The following L3HYPDH variants were observed in gnomAD, a reference collection of about 807,000 sequenced individuals.
L3HYPDH encodes trans-L-3-hydroxyproline dehydratase, also known as trans-3-hydroxy-L-proline dehydratase.
Under a neutral mutation model 26.5 loss-of-function variants are expected in L3HYPDH, and 32 were observed. The observed-to-expected ratio is 1.21, with a 90% CI of 0.91 to 1.62. The LOEUF is 1.62. Ranked by LOEUF, L3HYPDH falls within the 40% of genes most tolerant of loss-of-function variation. The probability of loss-of-function intolerance (pLI) is 0.00; values close to 1 mark genes in which losing one functional copy is unlikely to be tolerated. For synonymous variants in L3HYPDH, 215 were observed against 196.6 expected (o/e 1.09, Z -0.78); for missense variants, 554 against 476.4 (o/e 1.16, Z -1.52).
the L3HYPDH span, among the ~76,000 whole-genome samples, chr14:59,492,735 T>A: frequency 6.6e-6 from 1 of 151,940 alleles, no homozygotes; most frequent in Non-Finnish European, 1.5e-5. Flanking sequence ...TTTTGTTAAG[T>A]CTTTGCCCAA....
At chr14:59,483,706 G>C in intron 1 of L3HYPDH, 103 bp downstream of exon 1, 1 of 1,505,508 alleles carries the variant, frequency 6.6e-7, no homozygotes, top group Non-Finnish European at 8.8e-7. Context: ...AGGTTTCGCG[G>C]AGTAGGTTAG....
At chr14:59,499,872 C>A in the L3HYPDH span, among the ~76,000 whole-genome samples, 1 of 152,168 alleles carries the variant, frequency 6.6e-6, no homozygotes, top group Non-Finnish European at 1.5e-5. Flanking sequence ...TCCTCTATTT[C>A]CCTGTTAGAT....
chr14:59,479,193 C>T lies in L3HYPDH; in HGVS notation c.667G>A (p.Val223Met), dbSNP rs1889843263. Reference sequence around the variant, plus strand: ...AGAGTATTACTGACCTGAGCTTTCACTGCCTCTGTCACTGCACTCGCTGCA... The same window carrying T: ...AGAGTATTACTGACCTGAGCTTTCATTGCCTCTGTCACTGCACTCGCTGCA... ...VDAASAVTEAVKAQFKINHPD... is the reference protein window; with the variant it reads ...VDAASAVTEAMKAQFKINHPD... The change falls in exon 2 of 5, where the codon GTG becomes ATG. Residue 223 changes from valine (V) to methionine (M), a missense_variant. By Grantham distance (21) the Val-to-Met change is conservative (BLOSUM62 1). Coordinates refer to ENST00000247194, the MANE Select transcript of L3HYPDH (RefSeq NM_144581.2). The T allele has an allele frequency of 6.2e-7, 1 of 1,604,518 alleles. No homozygotes were observed. Among genetic ancestry groups the T allele is most frequent in the African/African-American group, 1.3e-5 (1 of 74,344 alleles).
the L3HYPDH span, chr14:59,505,231 T>A: frequency 7.0e-7 from 1 of 1,433,460 alleles, no homozygotes; most frequent in Non-Finnish European, 9.4e-7. Context: ...AGCAGTTGTA[T>A]CCTTGAGTTA....
At chr14:59,496,714 C>T in the L3HYPDH span, among the ~76,000 whole-genome samples, 2 of 152,320 alleles carry the variant, frequency 1.3e-5, no homozygotes, top group East Asian at 3.9e-4. Flanking sequence ...CATCACACAG[C>T]TTCATTGATT....
At chr14:59,492,967 T>C in the L3HYPDH span, among the ~76,000 whole-genome samples, 1 of 151,176 alleles carries the variant, frequency 6.6e-6, no homozygotes, top group Non-Finnish European at 1.5e-5. Context: ...CCGGCCAATT[T>C]TTTTGTATCT....
At chr14:59,486,761 T>A (rs1468436238), upstream of L3HYPDH, 1 of 1,595,924 alleles carries the variant, frequency 6.3e-7, no homozygotes. Context: ...GGGAAGACCC[T>A]ATTATTTAAA....
At chr14:59,503,808 CT>C in the L3HYPDH span, 1 of 1,188,022 alleles carries the variant, frequency 8.4e-7, no homozygotes, top group African/African-American at 1.5e-5. Flanking sequence ...CTGACTTAGC[CT>C]GATAATCTGT....
At chr14:59,483,741 A>C in intron 1 of L3HYPDH, 68 bp downstream of exon 1, 5 of 1,546,612 alleles carry the variant, frequency 3.2e-6, no homozygotes, top group Non-Finnish European at 4.3e-6. Context: ...GCCCAGAAAA[A>C]CCGTTAATGT....
chr14:59,479,679 C>T (rs2139820559), intron 1 of L3HYPDH, among the ~76,000 whole-genome samples: 2 of 152,292 alleles, frequency 1.3e-5, no homozygotes, highest in Admixed American at 6.5e-5. Flanking sequence ...CAAGGGCATC[C>T]CTGTGAACAC....
chr14:59,469,558 TAAAAAAAAAAA>T (rs36113229), downstream of L3HYPDH, among the ~76,000 whole-genome samples: 11 of 43,310 alleles, frequency 2.5e-4, no homozygotes, highest in African/African-American at 4.1e-4. Flanking sequence ...TCCATCTCAT[TAAAAAAAAAAA>T]AAAAAAAAAA....
the L3HYPDH span, chr14:59,494,896 C>G: frequency 4.5e-6 from 3 of 672,042 alleles, no homozygotes; most frequent in Admixed American, 2.5e-5. Flanking sequence ...AGGTTATACT[C>G]GAGTAGTTTT....
At position 59,479,266 on chromosome 14, in the gene L3HYPDH, T is replaced by C; in HGVS notation, c.594A>G (p.Glu198=). The C allele has an allele frequency of 6.2e-7, 1 of 1,613,906 alleles. No homozygotes were observed. The highest frequency in any genetic ancestry group is 1.1e-5 in the South Asian group (1 of 91,004). ...GGAFYAFVTA[E]KLGLDICSAK... Reference sequence around the variant, plus strand: ...CAGAACAAATGTCTAGTCCTAACTTTTCAGCAGTAACAAATGCATAAAATG... The same window carrying C: ...CAGAACAAATGTCTAGTCCTAACTTCTCAGCAGTAACAAATGCATAAAATG... Residue 198 remains glutamate, a synonymous_variant, in exon 2 of 5, where the codon GAA becomes GAG. Transcript: ENST00000247194.
chr14:59,475,939 A>C lies in L3HYPDH; in HGVS notation c.869T>G (p.Leu290Arg). 6.2e-7 allele frequency: 1 copy of C among 1,613,892 alleles called. No individual in the cohort carries two copies. Among genetic ancestry groups the C allele is most frequent in the East Asian group, 2.2e-5 (1 of 44,900 alleles). Residue 290 changes from leucine (L) to arginine (R), a missense_variant, in exon 4 of 5, where the codon CTG becomes CGG. By Grantham distance (102) the Leu-to-Arg change is moderately radical. Transcript: ENST00000247194. ...GAAGGCTCTCATCTGGTTCAGTTCC[A>C]GAAGCCCTTTGTGATACTGTAAGGC... ...RIALQYHKGL[L>R]ELNQMRAFKS...
At chr14:59,484,705 C>T (rs953622935), upstream of L3HYPDH, 22 of 1,355,044 alleles carry the variant, frequency 1.6e-5, no homozygotes, top group South Asian at 2.4e-4. Context: ...GCGGCGCAGG[C>T]TCGCCCCTTG....
the L3HYPDH span, chr14:59,498,956 A>G: frequency 2.2e-6 from 2 of 900,318 alleles, no homozygotes; most frequent in Non-Finnish European, 3.0e-6. Context: ...TATTGTATGT[A>G]GTAATATTTC....
At chr14:59,469,101 C>T (rs1889254949), downstream of L3HYPDH, among the ~76,000 whole-genome samples, 1 of 152,128 alleles carries the variant, frequency 6.6e-6, no homozygotes, top group South Asian at 2.1e-4. Flanking sequence ...TCTCTTTAGG[C>T]CACCATTGGA....
At chr14:59,500,022 A>T in the L3HYPDH span, among the ~76,000 whole-genome samples, 2 of 152,202 alleles carry the variant, frequency 1.3e-5, no homozygotes, top group African/African-American at 4.8e-5. Context: ...ATTTGCACTA[A>T]TTTGGGCTTA....
At chr14:59,500,307 T>A in the L3HYPDH span, among the ~76,000 whole-genome samples, 2 of 152,198 alleles carry the variant, frequency 1.3e-5, no homozygotes, top group Non-Finnish European at 2.9e-5. Context: ...ACATTTGAAA[T>A]TGTTCCAAAT....
Sources: allele counts gnomAD v4.1 joint callset (sites outside exome capture counted in the v4.1 genomes callset), GRCh38; gene constraint gnomAD v4.1.1; transcripts MANE v1.5; gene names NCBI Gene and HGNC (gene_info 2026-07-23, HGNC 2026-07-21).